Variants in MPPED2 observed in about 807,000 individuals in gnomAD.
MPPED2 encodes the protein metallophosphoesterase MPPED2.
MPPED2 carries 5 observed loss-of-function variants against 33.0 expected under a neutral mutation model. The ratio of observed to expected loss-of-function variants is 0.15; its 90% CI spans 0.08 to 0.32. The LOEUF (loss-of-function observed/expected upper bound fraction) is 0.32, where lower values mean the gene tolerates loss of function less well. Ranked by LOEUF, MPPED2 falls within the 10% of genes least tolerant of loss-of-function variation. The pLI is 1.00. For synonymous variants in MPPED2, 136 were observed against 141.9 expected (o/e 0.96, Z 0.29); for missense variants, 275 against 372.1 (o/e 0.74, Z 2.15).
At chr11:30,417,298 T>C (rs1948410610) in intron 5 of MPPED2, among the ~76,000 whole-genome samples, 1 of 152,140 alleles carries the variant, frequency 6.6e-6, no homozygotes, top group Admixed American at 6.5e-5. Context: ...TTTCCCTGAC[T>C]TGACTAAATC....
At chr11:30,561,223 AT>A (rs1956226181) in intron 2 of MPPED2, among the ~76,000 whole-genome samples, 1 of 152,204 alleles carries the variant, frequency 6.6e-6, no homozygotes. Flanking sequence ...CAGCCAGTAT[AT>A]TCACTAGTTG....
chr11:30,479,190 T>C (rs982194227), intron 4 of MPPED2, among the ~76,000 whole-genome samples: 1 of 151,942 alleles, frequency 6.6e-6, no homozygotes, highest in Admixed American at 6.6e-5. Flanking sequence ...AGTGATGCAA[T>C]CAGAGAGCTC....
intron 4 of MPPED2, among the ~76,000 whole-genome samples, chr11:30,446,387 T>C (rs1949809856): frequency 6.6e-6 from 1 of 152,244 alleles, no homozygotes; most frequent in Non-Finnish European, 1.5e-5. Context: ...TATTTTTCTT[T>C]GGAGGAAGAC....
intron 4 of MPPED2, among the ~76,000 whole-genome samples, chr11:30,477,574 T>C (rs1205283439): frequency 6.6e-6 from 1 of 152,128 alleles, no homozygotes; most frequent in Non-Finnish European, 1.5e-5. Flanking sequence ...ACATTGATCA[T>C]AATCTATTAA....
Position 30,411,585 on chromosome 11 carries a change from A to C in MPPED2, c.768T>G (p.Gly256=). The C allele has an allele frequency of 6.2e-7, 1 of 1,611,158 alleles. No individual in the cohort carries two copies. The highest frequency in any genetic ancestry group is 8.5e-7 in the Non-Finnish European group (1 of 1,177,936). ...TGTAACCGTCGGTCATGATGCCATAACCTGTGGGGAGAGCGTGTCACATTT... is the reference window on the plus strand; with the variant it reads ...TGTAACCGTCGGTCATGATGCCATACCCTGTGGGGAGAGCGTGTCACATTT... ...KLHVFGGIHE[G]YGIMTDGYTT... is the part of the protein sequence containing the mutation. Residue 256 remains glycine, a splice_region_variant and synonymous_variant, in exon 7 of 7, where the codon GGT becomes GGG. Coordinates refer to ENST00000358117, the MANE Select transcript of MPPED2 (RefSeq NM_001584.3).
At chr11:30,442,479 G>C (rs1381192100) in intron 4 of MPPED2, among the ~76,000 whole-genome samples, 1 of 152,186 alleles carries the variant, frequency 6.6e-6, no homozygotes, top group Non-Finnish European at 1.5e-5. Flanking sequence ...GGTCTGATCA[G>C]GGAACCAAAT....
chr11:30,397,047 T>A (rs1186374401), intron 6 of MPPED2, among the ~76,000 whole-genome samples: 1 of 152,178 alleles, frequency 6.6e-6, no homozygotes, highest in Non-Finnish European at 1.5e-5. Context: ...GTTCTGTAAG[T>A]GTAATTCAGT....
At chr11:30,421,774 A>G (rs572321311) in intron 4 of MPPED2, among the ~76,000 whole-genome samples, 1 of 152,318 alleles carries the variant, frequency 6.6e-6, no homozygotes, top group Admixed American at 6.5e-5. Flanking sequence ...TATGTAAAGT[A>G]AAAGTAAGGC....
intron 1 of MPPED2, among the ~76,000 whole-genome samples, chr11:30,583,974 TA>T (rs1957317919): frequency 6.6e-6 from 1 of 152,178 alleles, no homozygotes; most frequent in African/African-American, 2.4e-5. Flanking sequence ...CCTACTCTTT[TA>T]TGCCCACTTC....
intron 6 of MPPED2, among the ~76,000 whole-genome samples, chr11:30,399,655 C>A (rs562474863): frequency 6.6e-6 from 1 of 152,252 alleles, no homozygotes; most frequent in Non-Finnish European, 1.5e-5. Flanking sequence ...TCCTTTGTAG[C>A]AAAGACCTCA....
downstream of MPPED2, among the ~76,000 whole-genome samples, chr11:30,408,654 C>T (rs890265412): frequency 6.6e-6 from 1 of 152,154 alleles, no homozygotes; most frequent in Admixed American, 6.5e-5. Flanking sequence ...CCAGTCCAGA[C>T]AAAGAATGAT....
At chr11:30,557,616 C>T (rs1443770714) in intron 2 of MPPED2, among the ~76,000 whole-genome samples, 2 of 152,118 alleles carry the variant, frequency 1.3e-5, no homozygotes, top group African/African-American at 2.4e-5. Flanking sequence ...GCTAAATAAC[C>T]AATCAATAAA....
chr11:30,535,977 A>G lies in MPPED2; in HGVS notation c.310+17T>C. Reference sequence around the variant, plus strand: ...GGAAAGGTTAATTGGGGCCGCCAGAACGCAATCATTCCTTACCTAACCAGT... The same window carrying G: ...GGAAAGGTTAATTGGGGCCGCCAGAGCGCAATCATTCCTTACCTAACCAGT... On this transcript the variant is annotated intron_variant, in intron 3 of 6. Coordinates refer to ENST00000358117, the MANE Select transcript of MPPED2 (RefSeq NM_001584.3). 6.3e-7 allele frequency: 1 copy of G among 1,575,078 alleles called. No homozygotes were observed. Among genetic ancestry groups the G allele is most frequent in the Non-Finnish European group, 8.6e-7 (1 of 1,162,178 alleles).
chr11:30,412,128 G>T lies in MPPED2; in HGVS notation c.767-542C>A, dbSNP rs574732925. Among the ~76,000 whole-genome samples, 57 of 151,296 alleles carry T rather than the reference G, an allele frequency of 3.8e-4. 1 individual carries two copies. Among genetic ancestry groups the T allele is most frequent in the Non-Finnish European group, 6.0e-4 (41 of 67,858 alleles). Reference sequence around the variant, plus strand: ...CGAAAGTCAACCATATATGATTTTTGAATTGTGTGGCTTTAATACTAAGTT... The same window carrying T: ...CGAAAGTCAACCATATATGATTTTTTAATTGTGTGGCTTTAATACTAAGTT... On this transcript the variant is annotated intron_variant, in intron 6 of 6. Coordinates refer to ENST00000358117, the MANE Select transcript of MPPED2 (RefSeq NM_001584.3).
chr11:30,521,553 A>G (rs546292489), intron 3 of MPPED2, among the ~76,000 whole-genome samples: 71 of 152,226 alleles, frequency 4.7e-4, no homozygotes, highest in Non-Finnish European at 1.0e-3. Flanking sequence ...GTCTAGCAGC[A>G]TTCCATTAAA....
chr11:30,539,554 T>A (rs913324931), intron 2 of MPPED2, among the ~76,000 whole-genome samples: 7 of 152,204 alleles, frequency 4.6e-5, no homozygotes, highest in African/African-American at 1.7e-4. Context: ...CATCTGAATC[T>A]CCTCTATCCC....
intron 4 of MPPED2, among the ~76,000 whole-genome samples, chr11:30,474,013 C>G (rs542829082): frequency 6.6e-6 from 1 of 152,164 alleles, no homozygotes. Context: ...GCTAGAGGAC[C>G]CAGCTAAGCT....
chr11:30,525,332 AG>A (rs1954106660), intron 3 of MPPED2, among the ~76,000 whole-genome samples: 1 of 152,196 alleles, frequency 6.6e-6, no homozygotes, highest in South Asian at 2.1e-4. Context: ...TCTAGGATTT[AG>A]GGGGCTTCAG....
chr11:30,528,268 T>A (rs145998173), intron 3 of MPPED2, among the ~76,000 whole-genome samples: 484 of 152,314 alleles, frequency 3.2e-3, no homozygotes, highest in Non-Finnish European at 5.5e-3. Flanking sequence ...TACTTTCTTT[T>A]TTTTTCAGAC....
Sources: gnomAD v4.1 joint callset for allele counts (sites outside exome capture counted in the v4.1 genomes callset) on GRCh38, gnomAD v4.1.1 for gene constraint, MANE v1.5 for transcripts, NCBI Gene and HGNC (gene_info 2026-07-23, HGNC 2026-07-21) for gene names.